Variants in DGKI observed in about 807,000 individuals in gnomAD.
DGKI encodes the protein DAG kinase iota.
A neutral mutation model predicts 147.5 loss-of-function variants in DGKI; 55 were observed. The ratio of observed to expected loss-of-function variants is 0.37; its 90% CI spans 0.30 to 0.47. The LOEUF (loss-of-function observed/expected upper bound fraction) is 0.47. Ranked by LOEUF, DGKI falls within the 20% of genes least tolerant of loss-of-function variation. The pLI is 1.00. For missense variants in DGKI, 1,007 were observed against 1,323.8 expected, an observed-to-expected ratio of 0.76 and a Z score of 3.71; for synonymous variants, 469 against 477.1, an observed-to-expected ratio of 0.98 and a Z score of 0.22.
At chr7:137,826,616 A>G (rs1489969018) in intron 1 of DGKI, among the ~76,000 whole-genome samples, 1 of 152,142 alleles carries the variant, frequency 6.6e-6, no homozygotes, top group Non-Finnish European at 1.5e-5. Context: ...CATTTCTCCT[A>G]TTAATTTGTT....
intron 1 of DGKI, among the ~76,000 whole-genome samples, chr7:137,825,600 ACCC>A (rs1020758739): frequency 4.0e-5 from 6 of 151,754 alleles, no homozygotes; most frequent in African/African-American, 7.3e-5. Flanking sequence ...ACAGGCATGC[ACCC>A]CCCAACACAC....
intron 10 of DGKI, among the ~76,000 whole-genome samples, chr7:137,606,384 A>C (rs1820186553): frequency 6.6e-6 from 1 of 152,214 alleles, no homozygotes; most frequent in Non-Finnish European, 1.5e-5. Context: ...TTTATATCTA[A>C]AAGCAGGTGA....
chr7:137,473,587 T>C (rs1019729502), intron 23 of DGKI, among the ~76,000 whole-genome samples: 2 of 152,158 alleles, frequency 1.3e-5, no homozygotes, highest in African/African-American at 4.8e-5. Context: ...GTAAAATGCC[T>C]TATGAGAATA....
intron 19 of DGKI, among the ~76,000 whole-genome samples, chr7:137,561,834 C>G (rs1391121085): frequency 1.8e-4 from 27 of 151,932 alleles, no homozygotes; most frequent in Admixed American, 1.8e-3. Context: ...ATATGGAGGC[C>G]AGAAGAAAAC....
intron 10 of DGKI, among the ~76,000 whole-genome samples, chr7:137,604,556 C>T (rs1003609609): frequency 6.6e-6 from 1 of 152,108 alleles, no homozygotes; most frequent in African/African-American, 2.4e-5. Flanking sequence ...ACCTCTTCCT[C>T]GATCACCCTA....
intron 28 of DGKI, among the ~76,000 whole-genome samples, chr7:137,430,148 G>C (rs1006306206): frequency 5.4e-4 from 76 of 140,206 alleles, no homozygotes; most frequent in Middle Eastern, 7.0e-3. Context: ...AGACTTGGAA[G>C]CAACCCAAAT....
chr7:137,818,316 A>C (rs143818819), intron 1 of DGKI, among the ~76,000 whole-genome samples: 1 of 152,324 alleles, frequency 6.6e-6, no homozygotes, highest in East Asian at 1.9e-4. Flanking sequence ...CATCAACCAC[A>C]CAAGTGCACT....
chr7:137,749,884 A>T (rs1795446149), intron 1 of DGKI, among the ~76,000 whole-genome samples: 1 of 152,152 alleles, frequency 6.6e-6, no homozygotes, highest in Non-Finnish European at 1.5e-5. Flanking sequence ...CCAGGGGTGG[A>T]ACTCTCCCTG....
intron 1 of DGKI, among the ~76,000 whole-genome samples, chr7:137,748,162 T>C (rs1795399203): frequency 6.6e-6 from 1 of 152,156 alleles, no homozygotes; most frequent in Non-Finnish European, 1.5e-5. Context: ...TAAGTGCTAA[T>C]TCTACAAACA....
At chr7:137,541,533 G>A (rs1475851758) in intron 20 of DGKI, among the ~76,000 whole-genome samples, 1 of 152,182 alleles carries the variant, frequency 6.6e-6, no homozygotes. Flanking sequence ...CGTTTTATAT[G>A]AGGGAGTTGA....
intron 3 of DGKI, among the ~76,000 whole-genome samples, chr7:137,670,701 G>C (rs1473511153): frequency 1.3e-5 from 2 of 152,180 alleles, no homozygotes; most frequent in Non-Finnish European, 2.9e-5. Flanking sequence ...GGCAGAGAAT[G>C]GCTGGCACCC....
chr7:137,703,745 ACT>A, intron 1 of DGKI, among the ~76,000 whole-genome samples: 1 of 152,262 alleles, frequency 6.6e-6, no homozygotes, highest in Non-Finnish European at 1.5e-5. Flanking sequence ...ATAAACAAAC[ACT>A]GGAGAGAAGT....
At chr7:137,514,683 A>T (rs1197056425) in intron 21 of DGKI, among the ~76,000 whole-genome samples, 1 of 152,128 alleles carries the variant, frequency 6.6e-6, no homozygotes. Context: ...TTACACTCTT[A>T]TGCAATACAG....
At chr7:137,517,289 AAG>A (rs1482857476) in intron 21 of DGKI, among the ~76,000 whole-genome samples, 111 of 121,888 alleles carry the variant, frequency 9.1e-4, no homozygotes, top group African/African-American at 2.9e-3. Flanking sequence ...AAAAGAAAGA[AAG>A]AAAGAAAGAA....
chr7:137,630,800 G>A (rs1352270529), intron 6 of DGKI, among the ~76,000 whole-genome samples: 1 of 151,890 alleles, frequency 6.6e-6, no homozygotes, highest in Admixed American at 6.6e-5. Context: ...TTTACCTGTT[G>A]GGTTTATATC....
intron 23 of DGKI, among the ~76,000 whole-genome samples, chr7:137,476,477 T>A (rs550775714): frequency 8.5e-5 from 13 of 152,324 alleles, no homozygotes; most frequent in African/African-American, 3.1e-4. Flanking sequence ...TGATAAAATT[T>A]CACTCAGCCA....
intron 20 of DGKI, among the ~76,000 whole-genome samples, chr7:137,540,354 T>C (rs1817646634): frequency 6.6e-6 from 1 of 151,920 alleles, no homozygotes; most frequent in Non-Finnish European, 1.5e-5. Context: ...AGGACAACAA[T>C]GCAAAAGAAA....
At chr7:137,792,283 T>A (rs1324128261) in intron 1 of DGKI, among the ~76,000 whole-genome samples, 1 of 152,166 alleles carries the variant, frequency 6.6e-6, no homozygotes, top group Non-Finnish European at 1.5e-5. Flanking sequence ...AATCAATAAC[T>A]ACTTTCCCCC....
intron 3 of DGKI, among the ~76,000 whole-genome samples, chr7:137,669,706 A>T (rs753855418): frequency 2.0e-5 from 3 of 152,222 alleles, no homozygotes; most frequent in Non-Finnish European, 4.4e-5. Flanking sequence ...TGGCTTAATG[A>T]AAGTTTAGTA....
Sources: gnomAD v4.1 joint callset for allele counts (sites outside exome capture counted in the v4.1 genomes callset) on GRCh38, gnomAD v4.1.1 for gene constraint, MANE v1.5 for transcripts, NCBI Gene and HGNC (gene_info 2026-07-23, HGNC 2026-07-21) for gene names.